Variants in MAGI2 observed in about 807,000 individuals in gnomAD.
MAGI2 encodes the protein membrane associated guanylate kinase, WW and PDZ domain containing 2.
Under a neutral mutation model 133.3 loss-of-function variants are expected in MAGI2, and 35 were observed. That is an observed-to-expected ratio of 0.26 (90% CI 0.20 to 0.35). The LOEUF (loss-of-function observed/expected upper bound fraction) is 0.35. Among genes scored for constraint, MAGI2 ranks in the 10% least tolerant of loss-of-function variants. The pLI is 1.00. For missense variants in MAGI2, 1,636 were observed against 1,863.4 expected (o/e 0.88, Z 2.25); for synonymous variants, 729 against 710.6 (o/e 1.03, Z -0.41).
At chr7:78,345,681 TC>T (rs1205691900) in intron 8 of MAGI2, 1 of 459,850 alleles carries the variant, frequency 2.2e-6, no homozygotes, top group African/African-American at 2.0e-5. Flanking sequence ...AATCCATTAA[TC>T]TCCACGTGGT....
chr7:78,423,307 A>G (rs1798968923), intron 6 of MAGI2, among the ~76,000 whole-genome samples: 1 of 152,182 alleles, frequency 6.6e-6, no homozygotes, highest in Admixed American at 6.5e-5. Flanking sequence ...TCTCCGTAAG[A>G]TGTGACTTGC....
chr7:79,315,601 C>G (rs1240099978), intron 1 of MAGI2, among the ~76,000 whole-genome samples: 1 of 151,962 alleles, frequency 6.6e-6, no homozygotes, highest in Non-Finnish European at 1.5e-5. Flanking sequence ...GACAACGTAC[C>G]ACAGCTGTAT....
chr7:78,617,347 T>C (rs1807214620), intron 3 of MAGI2: 1 of 152,094 alleles, frequency 6.6e-6, no homozygotes, highest in South Asian at 2.1e-4. Context: ...TCCCGAAAAA[T>C]TCATATTTGT....
chr7:78,548,306 T>C (rs1208461930), intron 3 of MAGI2, among the ~76,000 whole-genome samples: 5 of 152,220 alleles, frequency 3.3e-5, no homozygotes, highest in Non-Finnish European at 7.3e-5. Context: ...TTGTTCTTTG[T>C]TACATGAAGC....
intron 1 of MAGI2, among the ~76,000 whole-genome samples, chr7:79,096,679 C>T (rs544851472): frequency 3.9e-5 from 6 of 152,234 alleles, no homozygotes; most frequent in East Asian, 1.9e-4. Context: ...TCCTTAAAAA[C>T]GAGAATGAGT....
intron 21 of MAGI2, among the ~76,000 whole-genome samples, chr7:78,038,337 A>C (rs1810448118): frequency 6.6e-6 from 1 of 152,222 alleles, no homozygotes; most frequent in South Asian, 2.1e-4. Flanking sequence ...TATATTTCAC[A>C]TATATGTAAC....
chr7:79,443,910 T>C (rs1038211932), intron 1 of MAGI2, among the ~76,000 whole-genome samples: 1 of 152,234 alleles, frequency 6.6e-6, no homozygotes, highest in East Asian at 1.9e-4. Context: ...ATAAAATCCA[T>C]GGTACTTACA....
intron 1 of MAGI2, among the ~76,000 whole-genome samples, chr7:79,374,556 T>C (rs1843262341): frequency 6.6e-6 from 1 of 151,986 alleles, no homozygotes; most frequent in Non-Finnish European, 1.5e-5. Context: ...TAGTTAATGG[T>C]ACTTTTATGG....
At chr7:78,954,119 T>A (rs886167135) in intron 2 of MAGI2, among the ~76,000 whole-genome samples, 1 of 152,140 alleles carries the variant, frequency 6.6e-6, no homozygotes, top group Non-Finnish European at 1.5e-5. Context: ...AAATGTATCC[T>A]ATTACAGAGA....
intron 20 of MAGI2, among the ~76,000 whole-genome samples, chr7:78,088,552 G>A (rs150053454): frequency 6.6e-6 from 1 of 152,308 alleles, no homozygotes; most frequent in African/African-American, 2.4e-5. Context: ...TTGAGGCAAT[G>A]AAGGATAAAT....
At chr7:78,542,764 C>A (rs1337137628) in intron 3 of MAGI2, among the ~76,000 whole-genome samples, 1 of 152,120 alleles carries the variant, frequency 6.6e-6, no homozygotes, top group Non-Finnish European at 1.5e-5. Flanking sequence ...GGAAGCAGAT[C>A]ATACAGGGCC....
chr7:78,895,817 A>G (rs1299670925), intron 2 of MAGI2, among the ~76,000 whole-genome samples: 2 of 152,234 alleles, frequency 1.3e-5, no homozygotes, highest in African/African-American at 4.8e-5. Context: ...TAAAAGGTTT[A>G]TAGTTTTGAG....
chr7:79,368,631 G>A (rs1179169172), intron 1 of MAGI2, among the ~76,000 whole-genome samples: 7 of 151,618 alleles, frequency 4.6e-5, no homozygotes, highest in Admixed American at 1.3e-4. Context: ...GGCGGATCAC[G>A]AGGTCAGGAG....
chr7:78,413,545 G>A (rs964955123), intron 6 of MAGI2, among the ~76,000 whole-genome samples: 1 of 152,024 alleles, frequency 6.6e-6, no homozygotes, highest in Non-Finnish European at 1.5e-5. Context: ...TTGGAAGTGT[G>A]ATTCTGAAGC....
intron 9 of MAGI2, among the ~76,000 whole-genome samples, chr7:78,343,122 C>T (rs151143959): frequency 0.013 from 1,961 of 152,210 alleles, 30 homozygotes; most frequent in Non-Finnish European, 0.021. Flanking sequence ...GACTGTGAAG[C>T]CAAACCTTGT....
intron 2 of MAGI2, among the ~76,000 whole-genome samples, chr7:78,923,895 G>T (rs1799467830): frequency 6.6e-6 from 1 of 152,080 alleles, no homozygotes. Context: ...ACTTCTCCTT[G>T]AAGAGGTCTT....
intron 6 of MAGI2, among the ~76,000 whole-genome samples, chr7:78,478,608 A>C (rs900113279): frequency 6.6e-6 from 1 of 151,204 alleles, no homozygotes; most frequent in South Asian, 2.1e-4. Flanking sequence ...ATATTTAGAC[A>C]TCTGGTTCCA....
intron 1 of MAGI2, among the ~76,000 whole-genome samples, chr7:79,044,336 T>C (rs543687416): frequency 6.6e-6 from 1 of 152,258 alleles, no homozygotes; most frequent in African/African-American, 2.4e-5. Flanking sequence ...AAAAAACACA[T>C]AATCATCTCA....
chr7:78,862,638 C>T (rs1794243798), intron 2 of MAGI2, among the ~76,000 whole-genome samples: 1 of 152,186 alleles, frequency 6.6e-6, no homozygotes, highest in African/African-American at 2.4e-5. Flanking sequence ...CATGTTCTCT[C>T]AAGCATAGAG....
Sources: allele counts gnomAD v4.1 joint callset (sites outside exome capture counted in the v4.1 genomes callset), GRCh38; gene constraint gnomAD v4.1.1; transcripts MANE v1.5; gene names NCBI Gene and HGNC (gene_info 2026-07-23, HGNC 2026-07-21).